The following CACNA1A variants were observed in gnomAD, a reference collection of about 807,000 sequenced individuals.
The protein encoded by CACNA1A is voltage-dependent P/Q-type calcium channel subunit alpha-1A.
In CACNA1A, 57 loss-of-function variants were observed where a neutral mutation model predicts 262.4. That is an observed-to-expected ratio of 0.22 (90% CI 0.18 to 0.27). The LOEUF is 0.27. Among genes scored for constraint, CACNA1A ranks in the 10% least tolerant of loss-of-function variants. The pLI, the probability that CACNA1A is intolerant of heterozygous loss-of-function variation, is 1.00. For missense variants in CACNA1A, 2,526 were observed against 3,562.8 expected (o/e 0.71, Z 7.41); for synonymous variants, 1,431 against 1,419.3 (o/e 1.01, Z -0.18).
At chr19:13,349,302 T>C (rs1352457243) in intron 6 of CACNA1A, among the ~76,000 whole-genome samples, 1 of 152,106 alleles carries the variant, frequency 6.6e-6, no homozygotes, top group Non-Finnish European at 1.5e-5. Flanking sequence ...CCAAATTAAC[T>C]CAAGACACCC....
At chr19:13,481,158 A>T (rs1979258849) in intron 1 of CACNA1A, among the ~76,000 whole-genome samples, 1 of 152,236 alleles carries the variant, frequency 6.6e-6, no homozygotes. Flanking sequence ...CAGAACTCTC[A>T]TTACCATGGC....
chr19:13,242,591 C>T (rs935657448), intron 31 of CACNA1A, among the ~76,000 whole-genome samples: 2 of 152,162 alleles, frequency 1.3e-5, no homozygotes, highest in African/African-American at 2.4e-5. Flanking sequence ...CCACCATGCC[C>T]GGCCTGTTGA....
At chr19:13,476,682 A>C (rs1176607834) in intron 1 of CACNA1A, among the ~76,000 whole-genome samples, 4 of 152,186 alleles carry the variant, frequency 2.6e-5, no homozygotes, top group Non-Finnish European at 5.9e-5. Flanking sequence ...GGAATTGCAC[A>C]CCTCAAAGTG....
Position 13,458,982 on chromosome 19 carries a change from G to C in CACNA1A, c.294-3770C>G, listed in dbSNP as rs79310413. Among the ~76,000 whole-genome samples, 979 of 152,278 alleles carry C rather than the reference G, an allele frequency of 6.4e-3. 5 individuals are homozygous for C. Among genetic ancestry groups the C allele is most frequent in the African/African-American group, 0.022 (901 of 41,566 alleles). ...GGGGTGGATCATTCTCCTTGGTGGG[G>C]CTGTCTGGGCACTGCAGCATGTTCA... is the stretch of plus-strand genomic sequence containing the variant. On this transcript the variant is annotated intron_variant, in intron 1 of 46. Coordinates refer to ENST00000360228, the MANE Select transcript of CACNA1A (RefSeq NM_001127222.2).
Position 13,275,894 on chromosome 19 carries a change from G to A in CACNA1A, c.3945C>T (p.Leu1315=), listed in dbSNP as rs367547447. ...GAYFRDLWNI[L]DFIVVSGALV... ...GGGCCCCACTGACCACTATGAAGTC[G>A]AGAATATTCCAGAGGTCACGGAAGT... Residue 1315 remains leucine, a synonymous_variant, in exon 24 of 47, where the codon CTC becomes CTT. Coordinates refer to ENST00000360228, the MANE Select transcript of CACNA1A (RefSeq NM_001127222.2). 2.2e-5 allele frequency: 35 copies of A among 1,613,736 alleles called. No individual in the cohort carries two copies. Among genetic ancestry groups the A allele is most frequent in the Non-Finnish European group, 2.6e-5 (31 of 1,179,784 alleles).
chr19:13,278,530 C>G (rs560368838), intron 22 of CACNA1A, among the ~76,000 whole-genome samples: 2 of 152,244 alleles, frequency 1.3e-5, no homozygotes, highest in Non-Finnish European at 2.9e-5. Context: ...ATCCTCTTTA[C>G]GAAGTCTCTC....
At chr19:13,345,729 G>A (rs933884401) in intron 6 of CACNA1A, among the ~76,000 whole-genome samples, 2 of 152,144 alleles carry the variant, frequency 1.3e-5, no homozygotes, top group African/African-American at 4.8e-5. Flanking sequence ...GTGTGAAAAA[G>A]CTGAAGTCTG....
At chr19:13,500,910 G>A (rs953389520) in intron 1 of CACNA1A, among the ~76,000 whole-genome samples, 12 of 152,158 alleles carry the variant, frequency 7.9e-5, no homozygotes, top group Non-Finnish European at 1.3e-4. Context: ...CTCAAAGTCT[G>A]AGTAAAAGAA....
At chr19:13,221,212 T>TTTTTTTCTTTTC (rs1276717107) in intron 38 of CACNA1A, among the ~76,000 whole-genome samples, 1 of 40,916 alleles carries the variant, frequency 2.4e-5, no homozygotes, top group Non-Finnish European at 4.1e-5. Context: ...TCCCATTTGT[T>TTTTTTTCTTTTC]TTTTCTTTTC....
In CACNA1A at chr19:13,236,762, CA is replaced by C; in HGVS notation, c.4951-1033del. ...TCCCTGGGTGGCCACTGCCTCTGCT[CA>C]AAAACCCCCTGTCTAGTCACTGCCT... On this transcript the variant is annotated intron_variant, in intron 31 of 46. Coordinates refer to ENST00000360228, the MANE Select transcript of CACNA1A (RefSeq NM_001127222.2). The surrounding 1 kb of genome is among the most constrained non-coding windows in gnomAD (Gnocchi z 4.6). 6.6e-6 allele frequency: 1 copy of C among 152,416 alleles called. No homozygotes were observed. The highest frequency in any genetic ancestry group is 2.4e-5 in the African/African-American group (1 of 41,494). 9.4% of individuals were successfully genotyped at this position (152,416 alleles called of 1,614,324 possible).
Position 13,212,041 on chromosome 19 carries a change from GC to G in CACNA1A, c.6303+61del. The G allele has an allele frequency of 1.6e-6, 2 of 1,219,016 alleles. No homozygotes were observed. Among genetic ancestry groups the G allele is most frequent in the Non-Finnish European group, 2.4e-6 (2 of 839,822 alleles). 75.5% of individuals were successfully genotyped at this position (1,219,016 alleles called of 1,614,324 possible). ...GATGCACTGGGCTGCTTGTGGGGGG[GC>G]CTGGCCCTACCCAGTGCAGAGTGAG... is the stretch of plus-strand genomic sequence containing the variant. On this transcript the variant is annotated intron_variant, in intron 43 of 46. Coordinates refer to ENST00000360228, the MANE Select transcript of CACNA1A (RefSeq NM_001127222.2). The surrounding 1 kb of genome is among the most constrained non-coding windows in gnomAD (Gnocchi z 5.6).
chr19:13,313,337 C>T (rs377066067), intron 11 of CACNA1A, among the ~76,000 whole-genome samples: 4 of 151,834 alleles, frequency 2.6e-5, no homozygotes, highest in African/African-American at 9.7e-5. Flanking sequence ...CCCGCCTCTA[C>T]TAAAAATACA....
intron 3 of CACNA1A, among the ~76,000 whole-genome samples, chr19:13,400,155 G>C (rs1489099811): frequency 6.6e-6 from 1 of 152,162 alleles, no homozygotes; most frequent in Non-Finnish European, 1.5e-5. Flanking sequence ...ACAGGTTGGG[G>C]AGATGGTCCT....
chr19:13,476,737 T>TA (rs1568685505), intron 1 of CACNA1A, among the ~76,000 whole-genome samples: 1 of 152,032 alleles, frequency 6.6e-6, no homozygotes, highest in Non-Finnish European at 1.5e-5. Flanking sequence ...TTTATCACAA[T>TA]AAAAAAACTT....
At chr19:13,339,942 G>A (rs985542617) in intron 6 of CACNA1A, among the ~76,000 whole-genome samples, 2 of 152,180 alleles carry the variant, frequency 1.3e-5, no homozygotes, top group Non-Finnish European at 2.9e-5. Flanking sequence ...AGAAAGAACC[G>A]AGTCAGCGGA....
At chr19:13,229,276 TGA>T (rs1210127877) in intron 36 of CACNA1A, among the ~76,000 whole-genome samples, 2 of 152,170 alleles carry the variant, frequency 1.3e-5, no homozygotes, top group Non-Finnish European at 2.9e-5. Context: ...TCTCTGGTGC[TGA>T]GGCCAGAGGA....
At chr19:13,216,855 G>A (rs940361498) in intron 38 of CACNA1A, among the ~76,000 whole-genome samples, 3 of 152,034 alleles carry the variant, frequency 2.0e-5, no homozygotes, top group African/African-American at 4.8e-5. Flanking sequence ...CTGGGTTTAC[G>A]TTTAATATGC....
chr19:13,424,075 G>A (rs542671563), intron 3 of CACNA1A, among the ~76,000 whole-genome samples: 1 of 152,080 alleles, frequency 6.6e-6, no homozygotes, highest in Non-Finnish European at 1.5e-5. Flanking sequence ...CTGGCCAGGC[G>A]TGGTGGCTTA....
chr19:13,211,942 G>A, intron 43 of CACNA1A, 161 bp downstream of exon 43: 1 of 596,296 alleles, frequency 1.7e-6, no homozygotes, highest in Non-Finnish European at 3.0e-6. Flanking sequence ...GTGTGACCAG[G>A]TGGTGGGTGG....
Sources: gnomAD v4.1 joint callset for allele counts (sites outside exome capture counted in the v4.1 genomes callset) on GRCh38, gnomAD v4.1.1 for gene constraint, Gnocchi (gnomAD v3.1) non-coding constraint, MANE v1.5 for transcripts, NCBI Gene and HGNC (gene_info 2026-07-23, HGNC 2026-07-21) for gene names.